KIAA1549: variants seen among roughly 807,000 people sequenced by gnomAD.
The protein encoded by KIAA1549 is UPF0606 protein KIAA1549.
Under a neutral mutation model 156.4 loss-of-function variants are expected in KIAA1549, and 70 were observed. The observed-to-expected ratio is 0.45, with a 90% confidence interval of 0.37 to 0.55. The LOEUF (loss-of-function observed/expected upper bound fraction) is 0.55. Ranked by LOEUF, KIAA1549 falls within the 20% of genes least tolerant of loss-of-function variation. KIAA1549 has a pLI of 0.00. For synonymous variants in KIAA1549, 1,103 were observed against 1,066.4 expected (o/e 1.03, Z -0.67); for missense variants, 2,428 against 2,540.9 (o/e 0.96, Z 0.96).
At chr7:138,871,413 A>C in intron 12 of KIAA1549, 51 bp from the exon 13 acceptor site, 1 of 1,434,536 alleles carries the variant, frequency 7.0e-7, no homozygotes, top group African/African-American at 1.4e-5. Flanking sequence ...CTAAAGAAAC[A>C]GCAACTAATC....
intron 1 of KIAA1549, among the ~76,000 whole-genome samples, chr7:138,946,412 T>C (rs1171834446): frequency 1.3e-5 from 2 of 152,218 alleles, no homozygotes; most frequent in African/African-American, 4.8e-5. Context: ...GTACAATTAC[T>C]CTTTCTTTCG....
At position 138,917,810 on chromosome 7, in the gene KIAA1549, G is replaced by C. The variant is rs1276388280; in HGVS notation, c.1816C>G (p.Gln606Glu). The change falls in exon 2 of 20, where the codon CAA (glutamine) becomes GAA (glutamate). Residue 606 changes from glutamine to glutamate, a missense_variant. Physicochemically the swap from Gln to Glu is conservative, Grantham distance 29. Transcript: ENST00000422774. ...PSVESSLFSD[Q>E]ERSSFSEHKP... ...TGCTCAGAAAAACTGGAACGTTCTT[G>C]GTCAGAGAAAAGTGAAGACTCCACT... 5 of 1,591,160 alleles carry C rather than the reference G, an allele frequency of 3.1e-6. No homozygotes were observed. The South Asian group carries it at 5.7e-5, about 18-fold the overall frequency.
intron 9 of KIAA1549, among the ~76,000 whole-genome samples, chr7:138,898,192 A>C (rs1263407707): frequency 6.6e-6 from 1 of 151,578 alleles, no homozygotes; most frequent in Non-Finnish European, 1.5e-5. Flanking sequence ...CTGTAGTCCC[A>C]GCTACTTGGG....
chr7:138,970,245 T>G (rs1284798944), intron 1 of KIAA1549, among the ~76,000 whole-genome samples: 1 of 152,144 alleles, frequency 6.6e-6, no homozygotes, highest in Non-Finnish European at 1.5e-5. Flanking sequence ...TCGACACCCT[T>G]TTGCTTCAAC....
chr7:138,881,793 G>T (rs1811253223), intron 10 of KIAA1549, among the ~76,000 whole-genome samples: 1 of 152,174 alleles, frequency 6.6e-6, no homozygotes, highest in Non-Finnish European at 1.5e-5. Context: ...AAGAGTACAC[G>T]GATTAAATAG....
intron 17 of KIAA1549, among the ~76,000 whole-genome samples, chr7:138,851,768 A>G (rs1810240592): frequency 6.6e-6 from 1 of 151,934 alleles, no homozygotes; most frequent in South Asian, 2.1e-4. Flanking sequence ...CAAACTCAAA[A>G]CCTCTGGATG....
intron 1 of KIAA1549, among the ~76,000 whole-genome samples, chr7:138,941,826 A>G (rs899441959): frequency 6.2e-4 from 95 of 152,224 alleles, no homozygotes; most frequent in African/African-American, 2.3e-3. Flanking sequence ...AGGAGACATC[A>G]GGGATAACCT....
At chr7:138,904,648 AG>A (rs1811956042) in intron 7 of KIAA1549, among the ~76,000 whole-genome samples, 2 of 149,186 alleles carry the variant, frequency 1.3e-5, no homozygotes, top group Admixed American at 1.3e-4. Flanking sequence ...AAAGCTTCCC[AG>A]GTGCCAAGCC....
intron 8 of KIAA1549, among the ~76,000 whole-genome samples, chr7:138,903,189 G>C (rs1246204607): frequency 6.6e-6 from 1 of 152,064 alleles, no homozygotes; most frequent in East Asian, 1.9e-4. Flanking sequence ...GCTCTCCTAT[G>C]GTCTCTTCCA....
Position 138,837,713 on chromosome 7 carries a change from A to G in KIAA1549, c.*193T>C. The stretch of plus-strand genomic sequence containing the variant: ...TCAACTGAACCCAAGTGTTCAGACA[A>G]TTGCCAGCCCAGTGAAAGGCTCATG... On this transcript the variant is annotated 3_prime_UTR_variant, in exon 20 of 20. Transcript: ENST00000422774. 1 of 621,416 alleles carries G rather than the reference A, an allele frequency of 1.6e-6. No homozygotes were observed. Among genetic ancestry groups the G allele is most frequent in the Non-Finnish European group, 2.8e-6 (1 of 362,864 alleles). 38.5% of individuals were successfully genotyped at this position (621,416 alleles called of 1,614,324 possible).
chr7:138,903,815 GTGTGTGTGTGTGTGTGTGTGTGTGTGTGT>G (rs1811915891), intron 7 of KIAA1549, 79 bp from the exon 8 acceptor site: 1 of 246,204 alleles, frequency 4.1e-6, no homozygotes, highest in Non-Finnish European at 6.9e-6. Flanking sequence ...GTGTGTGTGT[GTGTGTGTGTGTGTGTGTGTGTGTGTGTGT>G]GTGTGTGTGC....
chr7:138,976,170 G>A (rs978554377), intron 1 of KIAA1549, among the ~76,000 whole-genome samples: 9 of 152,000 alleles, frequency 5.9e-5, no homozygotes, highest in South Asian at 4.2e-4. Context: ...TCTGCCTCCC[G>A]GGTTCAAGCA....
Position 138,970,526 on chromosome 7 carries a change from C to T in KIAA1549, c.187+10557G>A, listed in dbSNP as rs1814188262. ...GATAACCAACAATCTTTGAAGTACA[C>T]CCAACTTCAATGAGAAACTGCACAG... is the stretch of plus-strand genomic sequence containing the variant. On this transcript the variant is annotated intron_variant, in intron 1 of 19. Coordinates refer to ENST00000422774, the MANE Select transcript of KIAA1549 (RefSeq NM_001164665.2). 2.6e-5 allele frequency among the ~76,000 whole-genome samples: 4 copies of T among 152,212 alleles called. No homozygotes were observed. In the South Asian group the frequency reaches 8.3e-4, roughly 32 times the overall value.
At chr7:138,913,316 C>T (rs1267306987) in intron 2 of KIAA1549, among the ~76,000 whole-genome samples, 1 of 152,132 alleles carries the variant, frequency 6.6e-6, no homozygotes, top group Non-Finnish European at 1.5e-5. Flanking sequence ...AAACGAATTC[C>T]ACAATTCCCA....
intron 17 of KIAA1549, among the ~76,000 whole-genome samples, 182 bp downstream of exon 17, chr7:138,852,041 T>A (rs1259208928): frequency 6.6e-6 from 1 of 152,246 alleles, no homozygotes; most frequent in Admixed American, 6.5e-5. Context: ...TTACCTAGCC[T>A]GTCATTACTG....
intron 1 of KIAA1549, among the ~76,000 whole-genome samples, chr7:138,947,588 AC>A (rs1363984449): frequency 6.6e-6 from 1 of 152,228 alleles, no homozygotes; most frequent in Non-Finnish European, 1.5e-5. Context: ...CAAAACATAT[AC>A]AATACCAAGT....
At chr7:138,861,114 A>T (rs1810557738) in intron 16 of KIAA1549, 25 bp downstream of exon 16, 1 of 1,610,996 alleles carries the variant, frequency 6.2e-7, no homozygotes. Flanking sequence ...TGCCCATCAG[A>T]GAATTCTAGA....
At chr7:138,946,823 TC>T (rs1192350266) in intron 1 of KIAA1549, among the ~76,000 whole-genome samples, 1 of 152,132 alleles carries the variant, frequency 6.6e-6, no homozygotes, top group East Asian at 1.9e-4. Context: ...GTAATGCCTT[TC>T]CCCAAACTAT....
At chr7:138,838,473 G>A (rs1242304212) in intron 19 of KIAA1549, among the ~76,000 whole-genome samples, 2 of 152,124 alleles carry the variant, frequency 1.3e-5, no homozygotes, top group South Asian at 2.1e-4. Context: ...TGGAGCCTAC[G>A]CAACCATCTT....
Sources: allele counts gnomAD v4.1 joint callset (sites outside exome capture counted in the v4.1 genomes callset), GRCh38; gene constraint gnomAD v4.1.1; transcripts MANE v1.5; gene names NCBI Gene and HGNC (gene_info 2026-07-23, HGNC 2026-07-21).